SORCS2: variants seen among roughly 807,000 people sequenced by gnomAD.
SORCS2 encodes the protein VPS10 domain-containing receptor SorCS2.
Under a neutral mutation model 141.6 loss-of-function variants are expected in SORCS2, and 100 were observed. The ratio of observed to expected loss-of-function variants is 0.71; its 90% confidence interval spans 0.60 to 0.83. SORCS2 has a LOEUF of 0.83. SORCS2 is among the 40% of genes least tolerant of loss of function. The pLI is 0.00. For synonymous variants in SORCS2, 789 were observed against 676.9 expected (o/e 1.17, Z -2.57); for missense variants, 1,646 against 1,560.2 (o/e 1.05, Z -0.93).
chr4:7,429,622 C>T (rs190900533), intron 2 of SORCS2, among the ~76,000 whole-genome samples: 30 of 152,330 alleles, frequency 2.0e-4, no homozygotes, highest in Admixed American at 1.4e-3. Context: ...TGCATGCACC[C>T]GGCGGGCCCC....
At chr4:7,692,677 T>A (rs554986740) in intron 11 of SORCS2, among the ~76,000 whole-genome samples, 5 of 152,278 alleles carry the variant, frequency 3.3e-5, no homozygotes, top group Admixed American at 1.3e-4. Context: ...ATGCCGAGTG[T>A]TCCTACAAGA....
intron 1 of SORCS2, among the ~76,000 whole-genome samples, chr4:7,294,579 G>A (rs1287523482): frequency 2.0e-5 from 3 of 151,522 alleles, no homozygotes; most frequent in African/African-American, 7.3e-5. Context: ...TCTGGAGAGA[G>A]GACTGTTTTT....
intron 1 of SORCS2, among the ~76,000 whole-genome samples, chr4:7,379,284 G>T (rs938021695): frequency 6.6e-6 from 1 of 152,168 alleles, no homozygotes; most frequent in Non-Finnish European, 1.5e-5. Flanking sequence ...CCTGAGCCTT[G>T]GGAGGGCAGG....
At chr4:7,439,224 C>T (rs10033367) in intron 2 of SORCS2, among the ~76,000 whole-genome samples, 2,706 of 152,004 alleles carry the variant, frequency 0.018, 81 homozygotes, top group African/African-American at 0.061. Context: ...GTATATGTAA[C>T]ATATTCATCC....
intron 1 of SORCS2, among the ~76,000 whole-genome samples, chr4:7,225,306 C>T (rs564684343): frequency 3.9e-5 from 6 of 152,298 alleles, no homozygotes; most frequent in East Asian, 3.9e-4. Context: ...GAACTGTGAG[C>T]GAAGGGACCA....
chr4:7,283,206 CAG>C (rs1262143458), intron 1 of SORCS2, among the ~76,000 whole-genome samples: 1 of 152,176 alleles, frequency 6.6e-6, no homozygotes, highest in Admixed American at 6.5e-5. Context: ...GTGGGGGAGA[CAG>C]ATACTGAGCA....
At chr4:7,709,724 C>T (rs1043414599) in intron 14 of SORCS2, among the ~76,000 whole-genome samples, 1 of 152,180 alleles carries the variant, frequency 6.6e-6, no homozygotes, top group Admixed American at 6.5e-5. Flanking sequence ...CTGTTTGGTA[C>T]AAATCTGCCC....
At chr4:7,389,495 A>T (rs56052322) in intron 1 of SORCS2, among the ~76,000 whole-genome samples, 30 of 151,872 alleles carry the variant, frequency 2.0e-4, no homozygotes, top group Non-Finnish European at 4.0e-4. Context: ...GTGAGGAAAG[A>T]CCTCACCAGG....
At chr4:7,453,699 A>G (rs926986485) in intron 2 of SORCS2, among the ~76,000 whole-genome samples, 11 of 69,394 alleles carry the variant, frequency 1.6e-4, no homozygotes, top group East Asian at 9.7e-4. Flanking sequence ...GGGGTCAGGC[A>G]CTGTGTTGGG....
At chr4:7,346,133 G>A (rs1473981267) in intron 1 of SORCS2, among the ~76,000 whole-genome samples, 1 of 151,990 alleles carries the variant, frequency 6.6e-6, no homozygotes, top group Non-Finnish European at 1.5e-5. Context: ...GCTTCTTGAG[G>A]TGGAGCTTAG....
At chr4:7,700,151 G>A in intron 12 of SORCS2, among the ~76,000 whole-genome samples, 1 of 152,298 alleles carries the variant, frequency 6.6e-6, no homozygotes, top group Middle Eastern at 3.4e-3. Context: ...TGATGCCCTT[G>A]TGCCTCCGAA....
At chr4:7,707,780 C>CT (rs1477454150) in intron 14 of SORCS2, among the ~76,000 whole-genome samples, 1 of 152,178 alleles carries the variant, frequency 6.6e-6, no homozygotes, top group African/African-American at 2.4e-5. Context: ...GGTGATGCAC[C>CT]TGTGAGGATG....
At chr4:7,455,136 TGTTGCGGTC>T (rs1728803319) in intron 2 of SORCS2, among the ~76,000 whole-genome samples, 1 of 37,114 alleles carries the variant, frequency 2.7e-5, no homozygotes, top group Non-Finnish European at 5.9e-5. Context: ...TCAGGTGCTG[TGTTGCGGTC>T]AGGCACTGTG....
At chr4:7,600,817 G>A (rs574587653) in intron 3 of SORCS2, among the ~76,000 whole-genome samples, 4 of 152,196 alleles carry the variant, frequency 2.6e-5, no homozygotes, top group African/African-American at 7.2e-5. Context: ...TGAGACTTAT[G>A]GAGATACACT....
At position 7,233,255 on chromosome 4, in the gene SORCS2, G is replaced by A. The variant is rs1193064849; in HGVS notation, c.480+40129G>A. The stretch of plus-strand genomic sequence containing the variant: ...CGGCCAGCCCTGAGAACTAGGAAGG[G>A]TGGTGTGGGACCCAGACACCAACTG... On this transcript the variant is annotated intron_variant, in intron 1 of 26. Coordinates refer to ENST00000507866, the MANE Select transcript of SORCS2 (RefSeq NM_020777.3). This position sits in a 1 kb window ranked among gnomAD's most constrained non-coding sequence, Gnocchi z 4.5. Among the ~76,000 whole-genome samples the A allele has an allele frequency of 6.6e-6, 1 of 152,194 alleles. No individual in the cohort carries two copies. The highest frequency in any genetic ancestry group is 1.5e-5 in the Non-Finnish European group (1 of 68,030).
chr4:7,739,624 G>T (rs1712484788), intron 26 of SORCS2, among the ~76,000 whole-genome samples: 1 of 152,158 alleles, frequency 6.6e-6, no homozygotes, highest in South Asian at 2.1e-4. Flanking sequence ...CGAGGACTCA[G>T]GCAAGGACTC....
intron 1 of SORCS2, among the ~76,000 whole-genome samples, chr4:7,204,073 G>A (rs758073426): frequency 5.9e-5 from 9 of 152,142 alleles, no homozygotes; most frequent in East Asian, 1.9e-4. Context: ...GTGGATGGGC[G>A]TTTGGGTTGT....
intron 3 of SORCS2, among the ~76,000 whole-genome samples, chr4:7,594,813 C>T (rs1361218128): frequency 6.6e-6 from 1 of 152,152 alleles, no homozygotes; most frequent in Non-Finnish European, 1.5e-5. Context: ...GTCACAGTCT[C>T]GGTGTGCCTC....
At chr4:7,632,260 C>T (rs1304236955) in intron 3 of SORCS2, among the ~76,000 whole-genome samples, 1 of 152,044 alleles carries the variant, frequency 6.6e-6, no homozygotes, top group Non-Finnish European at 1.5e-5. Context: ...TTCTCTTTAC[C>T]ATGTTTTAGA....
Sources: allele counts gnomAD v4.1 joint callset (sites outside exome capture counted in the v4.1 genomes callset), GRCh38; gene constraint gnomAD v4.1.1; non-coding constraint Gnocchi (gnomAD v3.1); transcripts MANE v1.5; gene names NCBI Gene and HGNC (gene_info 2026-07-23, HGNC 2026-07-21).